PBRM1: variants seen among roughly 807,000 people sequenced by gnomAD.
PBRM1 encodes polybromo 1.
A neutral mutation model predicts 194.5 loss-of-function variants in PBRM1; 27 were observed. The observed-to-expected ratio is 0.14, with a 90% CI of 0.10 to 0.19. The LOEUF (loss-of-function observed/expected upper bound fraction) is 0.19. Ranked by LOEUF, PBRM1 falls within the 10% of genes least tolerant of loss-of-function variation. PBRM1 has a pLI of 1.00. For synonymous variants in PBRM1, 655 were observed against 693.2 expected (o/e 0.94, Z 0.87); for missense variants, 1,466 against 2,077.2 (o/e 0.71, Z 5.72).
rs540590232 is a variant in PBRM1 at position 52,599,545 on chromosome 3, C to T, written c.2779+3976G>A. 3.5e-3 allele frequency among the ~76,000 whole-genome samples: 534 copies of T among 151,738 alleles called. 1 individual carries two copies. The highest frequency in any genetic ancestry group is 6.8e-3 in the Non-Finnish European group (460 of 67,966). ...TTTTACTGTTGGCCAGGCGTGGTGG[C>T]TCATGCCTGTAATCCCAGCACTTTG... On this transcript the variant is annotated intron_variant, in intron 17 of 29. Coordinates refer to ENST00000296302, the Ensembl canonical transcript of PBRM1.
chr3:52,622,207 C>T (rs1187529509), intron 13 of PBRM1, among the ~76,000 whole-genome samples: 3 of 151,314 alleles, frequency 2.0e-5, no homozygotes, highest in South Asian at 4.2e-4. Context: ...GGTGTGGTGG[C>T]GTGCACCTGT....
chr3:52,613,337 GT>G (rs577658031), intron 15 of PBRM1, among the ~76,000 whole-genome samples: 151 of 140,024 alleles, frequency 1.1e-3, no homozygotes, highest in East Asian at 1.6e-3. Context: ...GGACTATTCT[GT>G]TTTTTTTTTT....
At chr3:52,587,224 T>C (rs2092518358) in intron 19 of PBRM1, 129 bp downstream of exon 21, 1 of 724,062 alleles carries the variant, frequency 1.4e-6, no homozygotes, top group Non-Finnish European at 2.3e-6. Context: ...TTCATATAGC[T>C]ATATAGACAC....
At chr3:52,652,256 C>T (rs1447850382) in intron 5 of PBRM1, among the ~76,000 whole-genome samples, 2 of 151,610 alleles carry the variant, frequency 1.3e-5, no homozygotes, top group African/African-American at 4.9e-5. Context: ...TGGTGGCAGG[C>T]ACCTGTAATC....
intron 27 of PBRM1, 109 bp downstream of exon 29, chr3:52,554,615 G>T (rs2081823877): frequency 7.9e-6 from 7 of 887,928 alleles, no homozygotes; most frequent in Non-Finnish European, 1.0e-5. Flanking sequence ...CTCAGGGAGG[G>T]AAGGCCTGGC....
At position 52,601,926 on chromosome 3, in the gene PBRM1, G is replaced by GT. The variant is rs2094024843; in HGVS notation, c.2779+1594dup. On this transcript the variant is annotated intron_variant, in intron 17 of 29. Coordinates refer to ENST00000296302, the Ensembl canonical transcript of PBRM1. ...GGTGAGCTAGTACCCGGACCGACAG[G>GT]TAACACATGAAGATGGGTGCCAGTT... 3.3e-5 allele frequency among the ~76,000 whole-genome samples: 5 copies of GT among 152,194 alleles called. No homozygotes were observed. In the South Asian group the frequency reaches 1.0e-3, roughly 31 times the overall value.
intron 12 of PBRM1, among the ~76,000 whole-genome samples, chr3:52,628,346 A>G (rs1224280141): frequency 1.3e-5 from 2 of 149,910 alleles, no homozygotes; most frequent in Non-Finnish European, 3.0e-5. Flanking sequence ...TTTCTACTCT[A>G]TATGGCCATG....
chr3:52,572,033 G>C (rs1332191680), intron 22 of PBRM1, among the ~76,000 whole-genome samples: 1 of 149,926 alleles, frequency 6.7e-6, no homozygotes, highest in East Asian at 2.0e-4. Flanking sequence ...GCGAGATCTT[G>C]TCTCAAACAA....
intron 12 of PBRM1, among the ~76,000 whole-genome samples, chr3:52,627,887 T>C (rs2095494614): frequency 6.6e-6 from 1 of 152,204 alleles, no homozygotes; most frequent in Admixed American, 6.5e-5. Flanking sequence ...TAATAATACC[T>C]GAAAGTCTCA....
Position 52,651,867 on chromosome 3 carries a change from G to C in PBRM1, c.646-57C>G, listed in dbSNP as rs2096502448. 3.2e-5 allele frequency: 36 copies of C among 1,132,174 alleles called. No individual in the cohort carries two copies. The South Asian group carries it at 3.9e-4, about 12-fold the overall frequency. 70.1% of individuals were successfully genotyped at this position (1,132,174 alleles called of 1,614,324 possible). On this transcript the variant is annotated intron_variant, in intron 5 of 29. Transcript: ENST00000296302. The stretch of plus-strand genomic sequence containing the variant: ...AGTTAAACTATTCAGCTAATGAAAA[G>C]AGAAGGAAGTACATTGACAATCTGT...
At chr3:52,681,448 A>G (rs2097203829), upstream of PBRM1, among the ~76,000 whole-genome samples, 1 of 152,208 alleles carries the variant, frequency 6.6e-6, no homozygotes, top group Non-Finnish European at 1.5e-5. Flanking sequence ...CAAAAGGCTT[A>G]GCCAAAACTT....
intron 9 of PBRM1, 128 bp from the exon 11 acceptor site, chr3:52,642,173 T>C: frequency 1.5e-6 from 1 of 657,208 alleles, no homozygotes; most frequent in Non-Finnish European, 2.7e-6. Context: ...ATTGCCTCCT[T>C]AGTTTATCTC....
At chr3:52,610,591 A>G (rs1282051539) in intron 15 of PBRM1, among the ~76,000 whole-genome samples, 2 of 152,218 alleles carry the variant, frequency 1.3e-5, no homozygotes, top group African/African-American at 4.8e-5. Context: ...ATCTTCAAAC[A>G]CTAGACAGTA....
Position 52,609,521 on chromosome 3 carries a change from C to T in PBRM1, c.2359G>A (p.Val787Met). The T allele has an allele frequency of 2.5e-6, 4 of 1,613,972 alleles. No individual in the cohort carries two copies. The highest frequency in any genetic ancestry group is 3.4e-6 in the Non-Finnish European group (4 of 1,179,900). Reference sequence around the variant, plus strand: ...TCATCCTGATGACTCATGACTGACACAAAAAGATTGTGGATAAGCTCTTGA... The same window carrying T: ...TCATCCTGATGACTCATGACTGACATAAAAAGATTGTGGATAAGCTCTTGA... Residue 787 changes from valine (V) to methionine (M), a missense_variant, in exon 16 of 30, where the codon GTG becomes ATG. Physicochemically the swap from Val to Met is conservative, Grantham distance 21. Transcript: ENST00000296302. The surrounding 1 kb of genome is among the most constrained non-coding windows in gnomAD (Gnocchi z 4.1).
At chr3:52,627,960 T>A (rs2095497036) in intron 12 of PBRM1, among the ~76,000 whole-genome samples, 1 of 152,166 alleles carries the variant, frequency 6.6e-6, no homozygotes, top group Non-Finnish European at 1.5e-5. Flanking sequence ...AAATTGCCTT[T>A]GTTGCTTCAT....
chr3:52,642,935 C>T (rs976041265), intron 9 of PBRM1, among the ~76,000 whole-genome samples: 8 of 151,738 alleles, frequency 5.3e-5, no homozygotes, highest in Non-Finnish European at 7.4e-5. Flanking sequence ...TACAGGCACC[C>T]GCCACCACAC....
chr3:52,648,301 T>C, intron 7 of PBRM1, 43 bp downstream of exon 8: 1 of 1,093,436 alleles, frequency 9.1e-7, no homozygotes, highest in Non-Finnish European at 1.4e-6. Context: ...AATTATCTAC[T>C]ATTACCAAGG....
At chr3:52,584,556 T>A (rs1219426491) in intron 20 of PBRM1, among the ~76,000 whole-genome samples, 1 of 144,512 alleles carries the variant, frequency 6.9e-6, no homozygotes, top group Non-Finnish European at 1.5e-5. Flanking sequence ...CCTGGGCTCA[T>A]GGGATACCCC....
intron 22 of PBRM1, among the ~76,000 whole-genome samples, chr3:52,564,902 T>C (rs1343746551): frequency 6.6e-6 from 1 of 152,068 alleles, no homozygotes; most frequent in Non-Finnish European, 1.5e-5. Flanking sequence ...TCCTATCATA[T>C]ATAAAAATTA....
Sources: allele counts gnomAD v4.1 joint callset (sites outside exome capture counted in the v4.1 genomes callset), GRCh38; gene constraint gnomAD v4.1.1; non-coding constraint Gnocchi (gnomAD v3.1); transcripts MANE v1.5; gene names NCBI Gene and HGNC (gene_info 2026-07-23, HGNC 2026-07-21).